The following GFRA3 variants were observed in gnomAD, a reference collection of about 807,000 sequenced individuals.
GFRA3 encodes the protein GDNF family receptor alpha 3.
GFRA3 carries 24 observed loss-of-function variants against 40.0 expected under a neutral mutation model. The observed-to-expected ratio is 0.60, with a 90% confidence interval of 0.43 to 0.84. The LOEUF (loss-of-function observed/expected upper bound fraction) is 0.84, where lower values mean the gene tolerates loss of function less well. Among genes scored for constraint, GFRA3 ranks in the 40% least tolerant of loss-of-function variants. The pLI is 0.00. For synonymous variants in GFRA3, 203 were observed against 213.5 expected (o/e 0.95, Z 0.43); for missense variants, 405 against 530.6 (o/e 0.76, Z 2.33).
intron 2 of GFRA3, among the ~76,000 whole-genome samples, chr5:138,263,148 G>A (rs1755735758): frequency 6.6e-6 from 1 of 151,932 alleles, no homozygotes; most frequent in Non-Finnish European, 1.5e-5. Flanking sequence ...TGTATTTTTA[G>A]TAGAGATGAG....
chr5:138,259,515 C>T (rs757928717), intron 3 of GFRA3, 42 bp downstream of exon 3: 1 of 883,770 alleles, frequency 1.1e-6, no homozygotes, highest in South Asian at 1.3e-5. Context: ...CTCCAGGGTC[C>T]AGCCCCAGCC....
At chr5:138,255,614 G>A (rs1755615050) in intron 4 of GFRA3, among the ~76,000 whole-genome samples, 1 of 152,106 alleles carries the variant, frequency 6.6e-6, no homozygotes. Flanking sequence ...AAGAGTAAGA[G>A]TTGGGCAAGC....
rs557399547 is a variant in GFRA3, at chr5:138,256,356, G to A, written c.785+1283C>T. Among the ~76,000 whole-genome samples, 238 of 150,268 alleles carry A rather than the reference G, an allele frequency of 1.6e-3. 1 individual carries two copies. Among genetic ancestry groups the A allele is most frequent in the African/African-American group, 4.5e-3 (185 of 40,922 alleles). ...ATCCTGGCTAACACGGTGAAACCCCGTCTCTACTAAAAATACAAAAATTTA... is the reference window on the plus strand; with the variant it reads ...ATCCTGGCTAACACGGTGAAACCCCATCTCTACTAAAAATACAAAAATTTA... On this transcript the variant is annotated intron_variant, in intron 4 of 7. Coordinates refer to ENST00000274721, the MANE Select transcript of GFRA3 (RefSeq NM_001496.4).
chr5:138,267,634 T>A (rs1446383769), intron 1 of GFRA3: 15 of 210,970 alleles, frequency 7.1e-5, no homozygotes, highest in Non-Finnish European at 1.0e-5. Flanking sequence ...CAAAGATCAG[T>A]CTTTACTCGT....
intron 2 of GFRA3, among the ~76,000 whole-genome samples, chr5:138,261,693 CAAAAAAAAAAAA>C (rs70979598): frequency 1.7e-4 from 8 of 46,376 alleles, no homozygotes; most frequent in African/African-American, 7.2e-4. Context: ...GACTCTGTCT[CAAAAAAAAAAAA>C]AAAAAAAAAA....
Position 138,257,731 on chromosome 5 carries a change from C to G in GFRA3, c.693G>C (p.Arg231=), listed in dbSNP as rs975773123. 6.2e-7 allele frequency: 1 copy of G among 1,609,544 alleles called. No homozygotes were observed. Among genetic ancestry groups the G allele is most frequent in the African/African-American group, 1.3e-5 (1 of 74,774 alleles). ...APNDRGCGER[R]RNTIAPNCAL... is the part of the protein sequence containing the mutation. Reference sequence around the variant, plus strand: ...CGCAGTTGGGGGCGATGGTGTTGCGCCGGCGCTCCCCGCAGCCCCGGTCGT... The same window carrying G: ...CGCAGTTGGGGGCGATGGTGTTGCGGCGGCGCTCCCCGCAGCCCCGGTCGT... Residue 231 remains arginine (R), a synonymous_variant, in exon 4 of 8, where the codon CGG becomes CGC. Coordinates refer to ENST00000274721, the MANE Select transcript of GFRA3 (RefSeq NM_001496.4).
Position 138,252,947 on chromosome 5 carries a change from G to C in GFRA3, c.*21C>G. On this transcript the variant is annotated 3_prime_UTR_variant, in exon 8 of 8. Transcript: ENST00000274721. ...TCCACCTGGGTGTGGTGGAGGGGAA[G>C]AGGGCCCTGGGGAAGTCCAGCTACC... The C allele has an allele frequency of 7.1e-7, 1 of 1,399,470 alleles. No individual in the cohort carries two copies. The highest frequency in any genetic ancestry group is 1.0e-6 in the Non-Finnish European group (1 of 985,484). The allele number at this position is 1,399,470 out of a possible 1,614,324, so 86.7% of individuals were successfully genotyped here.
intron 1 of GFRA3, among the ~76,000 whole-genome samples, chr5:138,272,656 G>C (rs1384226938): frequency 6.6e-6 from 1 of 151,314 alleles, no homozygotes; most frequent in Non-Finnish European, 1.5e-5. Flanking sequence ...AAAAAAATCA[G>C]ATTTCAAATA....
At chr5:138,269,952 C>T (rs1755844490) in intron 1 of GFRA3, among the ~76,000 whole-genome samples, 1 of 151,954 alleles carries the variant, frequency 6.6e-6, no homozygotes. Flanking sequence ...TACTTGCACA[C>T]TCATGTTTAT....
chr5:138,257,746 G>A lies in GFRA3; in HGVS notation c.678C>T (p.Gly226=), dbSNP rs1428683943. The A allele has an allele frequency of 3.0e-5, 49 of 1,610,042 alleles. No homozygotes were observed. In the Admixed American group the frequency reaches 7.9e-4, roughly 26 times the overall value. ...TGGTGTTGCGCCGGCGCTCCCCGCA[G>A]CCCCGGTCGTTGGGGGCACATGGGC... The part of the protein sequence containing the change: ...LLCPCAPNDR[G]CGERRRNTIA... The change falls in exon 4 of 8, where the codon GGC becomes GGT. Residue 226 remains glycine (G), a synonymous_variant. Transcript: ENST00000274721.
chr5:138,271,915 G>GTTTTTTTTTTTTTTTTTTTTTTTT (rs1561654825), intron 1 of GFRA3, among the ~76,000 whole-genome samples: 1 of 57,516 alleles, frequency 1.7e-5, no homozygotes. Flanking sequence ...TTTTTTTTTT[G>GTTTTTTTTTTTTTTTTTTTTTTTT]TGTGTGTGTG....
rs1471800086 is a variant in GFRA3 at position 138,252,797 on chromosome 5, G to A, written c.*171C>T. The A allele has an allele frequency of 3.9e-6, 2 of 519,454 alleles. No individual in the cohort carries two copies. The highest frequency in any genetic ancestry group is 7.0e-6 in the Non-Finnish European group (2 of 283,836). 32.2% of individuals were successfully genotyped at this position (519,454 alleles called of 1,614,324 possible). On this transcript the variant is annotated 3_prime_UTR_variant, in exon 8 of 8. Transcript: ENST00000274721. ...ATGAATCAGAAGTGGAGATGGGGTGGAGGGAATGAGGACTGGACCAGTAAG... is the reference window on the plus strand; with the variant it reads ...ATGAATCAGAAGTGGAGATGGGGTGAAGGGAATGAGGACTGGACCAGTAAG...
intron 2 of GFRA3, among the ~76,000 whole-genome samples, chr5:138,263,945 T>C (rs1019329423): frequency 2.0e-5 from 3 of 152,132 alleles, no homozygotes; most frequent in Admixed American, 6.5e-5. Flanking sequence ...GGTTAAGACT[T>C]TTTTCTCCCA....
At position 138,254,156 on chromosome 5, in the gene GFRA3, G is replaced by A. The variant is rs1755593353; in HGVS notation, c.790C>T (p.Arg264Cys). The stretch of plus-strand genomic sequence containing the variant: ...CAGTGGGTCTGGAAATCCACCAGGC[G>A]TGATCTGGAAGAAGGGAAATTTCTG... ...LCFSDPLCRSRLVDFQTHCHP... is the reference protein window; with the variant it reads ...LCFSDPLCRSCLVDFQTHCHP... Residue 264 changes from arginine (R) to cysteine (C), a missense_variant, in exon 5 of 8, where the codon CGC becomes TGC. Coordinates refer to ENST00000274721, the MANE Select transcript of GFRA3 (RefSeq NM_001496.4). 1.3e-5 allele frequency: 21 copies of A among 1,573,458 alleles called. No individual in the cohort carries two copies. Among genetic ancestry groups the A allele is most frequent in the African/African-American group, 2.7e-5 (2 of 74,042 alleles).
chr5:138,255,810 G>A (rs1407273749), intron 4 of GFRA3, among the ~76,000 whole-genome samples: 1 of 150,886 alleles, frequency 6.6e-6, no homozygotes, highest in African/African-American at 2.4e-5. Flanking sequence ...TGAGGCTGGA[G>A]AATCGCTTGA....
rs533514505 is a variant in GFRA3, at chr5:138,273,202, C to T, written c.91+1132G>A. 7.9e-5 allele frequency among the ~76,000 whole-genome samples: 12 copies of T among 152,268 alleles called. No individual in the cohort carries two copies. In the East Asian group the frequency reaches 2.3e-3, roughly 29 times the overall value. On this transcript the variant is annotated intron_variant, in intron 1 of 7. Coordinates refer to ENST00000274721, the MANE Select transcript of GFRA3 (RefSeq NM_001496.4). ...CCCTGAGCAATGATATTTTCCACCCCCAAAGCCCTCTGTTGGTCTGTGCTC... is the reference window on the plus strand; with the variant it reads ...CCCTGAGCAATGATATTTTCCACCCTCAAAGCCCTCTGTTGGTCTGTGCTC...
chr5:138,271,809 C>T (rs1267496108), intron 1 of GFRA3, among the ~76,000 whole-genome samples: 1 of 147,926 alleles, frequency 6.8e-6, no homozygotes, highest in Admixed American at 6.7e-5. Flanking sequence ...AACTCTTGAG[C>T]TCAAGCAATC....
rs962342847 is a variant in GFRA3, at chr5:138,252,617, C to T, written c.*351G>A. 1 of 183,566 alleles carries T rather than the reference C, an allele frequency of 5.4e-6. No homozygotes were observed. The highest frequency in any genetic ancestry group is 1.3e-4 in the South Asian group (1 of 7,840). 11.4% of individuals were successfully genotyped at this position (183,566 alleles called of 1,614,324 possible). A position where few individuals can be genotyped will look rare whatever the true frequency, so the allele number is the denominator to read the frequency against. ...GCTGCCTCAGAACACCCAGTCCTCC[C>T]TACCCTAACCCTAATCTGGAATGCA... On this transcript the variant is annotated 3_prime_UTR_variant, in exon 8 of 8. Coordinates refer to ENST00000274721, the MANE Select transcript of GFRA3 (RefSeq NM_001496.4).
At chr5:138,253,926 G>A in intron 5 of GFRA3, 26 bp from the exon 6 acceptor site, 3 of 1,610,062 alleles carry the variant, frequency 1.9e-6, no homozygotes, top group Non-Finnish European at 2.5e-6. Context: ...GGGTAGTCAA[G>A]GCCTAGGCTA....
Sources: gnomAD v4.1 joint callset for allele counts (sites outside exome capture counted in the v4.1 genomes callset) on GRCh38, gnomAD v4.1.1 for gene constraint, MANE v1.5 for transcripts, NCBI Gene and HGNC (gene_info 2026-07-23, HGNC 2026-07-21) for gene names.